The following NCOA2 variants were observed in gnomAD, a reference collection of about 807,000 sequenced individuals.
NCOA2 encodes class E basic helix-loop-helix protein 75.
Under a neutral mutation model 145.1 loss-of-function variants are expected in NCOA2, and 21 were observed. The ratio of observed to expected loss-of-function variants is 0.14; its 90% CI spans 0.10 to 0.21. The LOEUF (loss-of-function observed/expected upper bound fraction) is 0.21, where lower values mean the gene tolerates loss of function less well. Among genes scored for constraint, NCOA2 ranks in the 10% least tolerant of loss-of-function variants. The probability of loss-of-function intolerance (pLI) is 1.00; values close to 1 mark genes in which losing one functional copy is unlikely to be tolerated. For missense variants in NCOA2, 1,472 were observed against 1,837.6 expected, an observed-to-expected ratio of 0.80 and a Z score of 3.64; for synonymous variants, 619 against 637.5, an observed-to-expected ratio of 0.97 and a Z score of 0.44.
In NCOA2 at chr8:70,113,479, C is replaced by T. The variant is rs1046009; in HGVS notation, c.*153G>A. 2.7e-3 allele frequency: 2,102 copies of T among 784,620 alleles called. 36 individuals are homozygous for T. The African/African-American group carries it at 0.031, about 12-fold the overall frequency. The allele number at this position is 784,620 out of a possible 1,614,324, so 48.6% of individuals were successfully genotyped here. On this transcript the variant is annotated 3_prime_UTR_variant, in exon 23 of 23. Transcript: ENST00000452400. ...GCTCCTCCTGCCACAGCCGAGTGGA[C>T]GCCACCCTGGGAACCAGGGCCAGGC...
At chr8:70,120,576 C>G (rs1418586204) in intron 22 of NCOA2, among the ~76,000 whole-genome samples, 1 of 152,062 alleles carries the variant, frequency 6.6e-6, no homozygotes, top group African/African-American at 2.4e-5. Context: ...CAAAAATTAG[C>G]CAGGCATGGT....
chr8:70,280,410 A>G (rs1188491975), intron 2 of NCOA2, among the ~76,000 whole-genome samples: 1 of 152,194 alleles, frequency 6.6e-6, no homozygotes, highest in African/African-American at 2.4e-5. Flanking sequence ...CGTAAGATAA[A>G]TCAAAATTCA....
intron 1 of NCOA2, among the ~76,000 whole-genome samples, chr8:70,345,452 AAAC>A (rs1047682725): frequency 2.6e-5 from 4 of 152,206 alleles, no homozygotes; most frequent in Non-Finnish European, 5.9e-5. Context: ...GGGATTACAA[AAAC>A]AACAGCAGCA....
intron 1 of NCOA2, among the ~76,000 whole-genome samples, chr8:70,308,674 C>A (rs757709676): frequency 6.6e-6 from 1 of 152,108 alleles, no homozygotes. Flanking sequence ...TCTTTCTAGC[C>A]CATCTAGGAC....
chr8:70,213,089 A>C (rs1819213549), intron 4 of NCOA2, among the ~76,000 whole-genome samples: 1 of 147,448 alleles, frequency 6.8e-6, no homozygotes, highest in African/African-American at 2.6e-5. Context: ...TCTCAAAAAA[A>C]ACACCAAAAA....
Position 70,156,223 on chromosome 8 carries a change from G to C in NCOA2, c.2142C>G (p.Asp714Glu), listed in dbSNP as rs758291688. The change falls in exon 11 of 23, where the codon GAC becomes GAG. Residue 714 changes from aspartate (D) to glutamate (E), a missense_variant. This residue lies in a region of NCOA2 where 953 missense variants were observed against 1,062.1 expected (regional missense o/e 0.90). Coordinates refer to ENST00000452400, the MANE Select transcript of NCOA2 (RefSeq NM_006540.4). ...AKLTAEATGK[D>E]LSQESSSTAP... The stretch of plus-strand genomic sequence containing the variant: ...CTGTGCTGCTGGACTCCTGGCTCAG[G>C]TCTTTGCCTGTGGCTTCTGCTGTTA... 3 of 1,613,932 alleles carry C rather than the reference G, an allele frequency of 1.9e-6. No individual in the cohort carries two copies. Among genetic ancestry groups the C allele is most frequent in the South Asian group, 2.2e-5 (2 of 91,076 alleles).
At position 70,112,205 on chromosome 8, in the gene NCOA2, A is replaced by C. The variant is rs1806600460; in HGVS notation, c.*1427T>G. The C allele has an allele frequency of 4.9e-6, 1 of 203,118 alleles. No individual in the cohort carries two copies. Among genetic ancestry groups the C allele is most frequent in the East Asian group, 7.6e-5 (1 of 13,100 alleles). 12.6% of individuals were successfully genotyped at this position (203,118 alleles called of 1,614,324 possible). ...CAAGGTTTAGAAAATAAAAAGTCTT[A>C]AGTCTACAAATTAGGTCTAATCAAG... is the stretch of plus-strand genomic sequence containing the variant. On this transcript the variant is annotated 3_prime_UTR_variant, in exon 23 of 23. Transcript: ENST00000452400.
At chr8:70,150,394 T>C (rs1811603884) in intron 11 of NCOA2, among the ~76,000 whole-genome samples, 1 of 152,234 alleles carries the variant, frequency 6.6e-6, no homozygotes, top group African/African-American at 2.4e-5. Context: ...AGCAAATTAC[T>C]ATTTCTTTGG....
chr8:70,130,115 T>C (rs1245689784), intron 16 of NCOA2, among the ~76,000 whole-genome samples: 1 of 152,226 alleles, frequency 6.6e-6, no homozygotes, highest in Non-Finnish European at 1.5e-5. Context: ...GCCCTCCCTA[T>C]GGTAATTCTA....
At chr8:70,342,475 C>A (rs1808221747) in intron 1 of NCOA2, among the ~76,000 whole-genome samples, 1 of 151,988 alleles carries the variant, frequency 6.6e-6, no homozygotes, top group Admixed American at 6.6e-5. Flanking sequence ...TATACCAATG[C>A]AAATTAAATT....
chr8:70,197,836 GT>G (rs34200791), intron 4 of NCOA2, among the ~76,000 whole-genome samples: 80,726 of 147,268 alleles, frequency 0.55, 22,595 homozygotes, highest in Middle Eastern at 0.63. Flanking sequence ...TTCTCTAAAA[GT>G]TTTTTTTTTT....
intron 5 of NCOA2, among the ~76,000 whole-genome samples, chr8:70,173,661 G>A (rs1427236385): frequency 6.6e-6 from 1 of 152,084 alleles, no homozygotes; most frequent in Non-Finnish European, 1.5e-5. Context: ...GCCAACACTG[G>A]GACATTTAAA....
chr8:70,179,115 A>T (rs1815190704), intron 4 of NCOA2, among the ~76,000 whole-genome samples: 1 of 152,184 alleles, frequency 6.6e-6, no homozygotes, highest in South Asian at 2.1e-4. Context: ...TTAATAAAAG[A>T]AAAAAGGGTG....
intron 1 of NCOA2, among the ~76,000 whole-genome samples, chr8:70,368,521 A>C (rs1025913707): frequency 6.6e-6 from 1 of 152,244 alleles, no homozygotes; most frequent in Admixed American, 6.5e-5. Context: ...TTTTCAAGTC[A>C]AAATCTGCTA....
chr8:70,420,502 G>A, the NCOA2 span, among the ~76,000 whole-genome samples: 2 of 152,170 alleles, frequency 1.3e-5, no homozygotes, highest in Non-Finnish European at 2.9e-5. Context: ...CATGTTCTAA[G>A]GGGCATGAAA....
At chr8:70,387,878 TCTAGCCTGCAAC>T (rs1433158821) in intron 1 of NCOA2, among the ~76,000 whole-genome samples, 1 of 152,158 alleles carries the variant, frequency 6.6e-6, no homozygotes, top group East Asian at 1.9e-4. Flanking sequence ...TTGTAGATAT[TCTAGCCTGCAAC>T]CTAGCCTACA....
intron 1 of NCOA2, among the ~76,000 whole-genome samples, chr8:70,365,924 C>A (rs1271290109): frequency 6.6e-6 from 1 of 152,076 alleles, no homozygotes; most frequent in Non-Finnish European, 1.5e-5. Flanking sequence ...AATCACCAGC[C>A]CAACAAACAC....
intron 1 of NCOA2, among the ~76,000 whole-genome samples, chr8:70,337,337 G>C (rs1307218707): frequency 6.6e-6 from 1 of 152,078 alleles, no homozygotes; most frequent in Non-Finnish European, 1.5e-5. Flanking sequence ...GTCAGAAAAA[G>C]CTTGAGAGGA....
intron 1 of NCOA2, among the ~76,000 whole-genome samples, chr8:70,328,221 G>C (rs1169850155): frequency 6.6e-6 from 1 of 152,158 alleles, no homozygotes; most frequent in Admixed American, 6.5e-5. Context: ...CAGCAGAATA[G>C]CTATGAGATT....
Sources: gnomAD v4.1 joint callset for allele counts (sites outside exome capture counted in the v4.1 genomes callset) on GRCh38, gnomAD v4.1.1 for gene constraint, gnomAD v4.1.1 regional missense constraint, MANE v1.5 for transcripts, NCBI Gene and HGNC (gene_info 2026-07-23, HGNC 2026-07-21) for gene names.